Variants in SPECC1L observed in about 807,000 individuals in gnomAD.
SPECC1L encodes the protein cytospin-A.
A neutral mutation model predicts 116.8 loss-of-function variants in SPECC1L; 40 were observed. The ratio of observed to expected loss-of-function variants is 0.34; its 90% CI spans 0.27 to 0.45. The LOEUF is 0.45. Among genes scored for constraint, SPECC1L ranks in the 20% least tolerant of loss-of-function variants. The pLI is 1.00. For synonymous variants in SPECC1L, 504 were observed against 500.6 expected (o/e 1.01, Z -0.09); for missense variants, 1,110 against 1,373.6 (o/e 0.81, Z 3.03).
intron 2 of SPECC1L, among the ~76,000 whole-genome samples, chr22:24,301,226 G>C (rs531047942): frequency 7.9e-5 from 12 of 152,174 alleles, no homozygotes; most frequent in Admixed American, 5.2e-4. Context: ...ATCTAACAAA[G>C]GTCTAATATC....
At chr22:24,389,016 T>C (rs1186496178) in intron 14 of SPECC1L, among the ~76,000 whole-genome samples, 3 of 152,172 alleles carry the variant, frequency 2.0e-5, no homozygotes, top group Admixed American at 6.6e-5. Flanking sequence ...CTGGAATCAT[T>C]TGTGGTCTTT....
intron 14 of SPECC1L, among the ~76,000 whole-genome samples, chr22:24,380,199 G>A (rs1176630247): frequency 6.6e-6 from 1 of 152,184 alleles, no homozygotes; most frequent in Admixed American, 6.5e-5. Flanking sequence ...AAAACTGAAA[G>A]CCATATCTAA....
intron 4 of SPECC1L, among the ~76,000 whole-genome samples, chr22:24,317,604 C>T (rs1284357344): frequency 2.8e-5 from 4 of 144,990 alleles, no homozygotes; most frequent in Non-Finnish European, 6.0e-5. Flanking sequence ...GCTGGCCGGG[C>T]GGGGGGCTGA....
At chr22:24,289,363 T>TTC (rs1208603700) in intron 2 of SPECC1L, among the ~76,000 whole-genome samples, 1 of 152,246 alleles carries the variant, frequency 6.6e-6, no homozygotes, top group East Asian at 1.9e-4. Flanking sequence ...TCTGGAATGT[T>TTC]AAGTGTTGTC....
intron 6 of SPECC1L, among the ~76,000 whole-genome samples, chr22:24,327,666 A>T (rs1306975338): frequency 6.6e-6 from 1 of 151,972 alleles, no homozygotes; most frequent in Non-Finnish European, 1.5e-5. Context: ...AAAAACAAAA[A>T]CCTAGGTAAC....
intron 14 of SPECC1L, among the ~76,000 whole-genome samples, chr22:24,372,710 G>A (rs567169447): frequency 6.6e-6 from 1 of 151,142 alleles, no homozygotes; most frequent in South Asian, 2.1e-4. Context: ...TTTGAAAACT[G>A]GCACAAGACA....
chr22:24,363,631 C>G (rs1019013586), intron 12 of SPECC1L, among the ~76,000 whole-genome samples: 1 of 152,176 alleles, frequency 6.6e-6, no homozygotes, highest in South Asian at 2.1e-4. Flanking sequence ...AGTCTGTTTC[C>G]TCTATTTTGT....
rs146284602 is a variant in SPECC1L, at chr22:24,394,760, G to A, written c.3088-16828G>A. On this transcript the variant is annotated intron_variant, in intron 14 of 16. Coordinates refer to ENST00000314328, the MANE Select transcript of SPECC1L (RefSeq NM_015330.6). ...GTTTCCTGGTTTTAATTTTGCAGTT[G>A]CCTGATAACTAATGGTGTTAAGCAT... Among the ~76,000 whole-genome samples, 15 of 152,288 alleles carry A rather than the reference G, an allele frequency of 9.8e-5. No individual in the cohort carries two copies. The East Asian group carries it at 2.9e-3, about 29-fold the overall frequency.
rs55945050 is a variant in SPECC1L at position 24,322,309 on chromosome 22, T to G, written c.1329T>G (p.Val443=). Residue 443 remains valine (V), a synonymous_variant, in exon 5 of 17, where the codon GTT becomes GTG. Transcript: ENST00000314328. ...SENERLGEEK[V]ILMESLCQQS... is the part of the protein sequence containing the mutation. ...ACGAAAGGCTTGGAGAAGAGAAGGT[T>G]ATTCTGATGGAGTCTTTATGTCAGC... The G allele has an allele frequency of 9.8e-3, 15,894 of 1,614,198 alleles. 119 individuals are homozygous for G. The highest frequency in any genetic ancestry group is 0.013 in the South Asian group (1,210 of 91,086).
In SPECC1L at chr22:24,381,152, A is replaced by G. The variant is rs2042055192; in HGVS notation, c.3087+11832A>G. ...ACTTTTCTTTGGTTTTAGATTTTAT[A>G]TCTAAGAGCTTGTGTTGCATCACTG... On this transcript the variant is annotated intron_variant, in intron 14 of 16. Coordinates refer to ENST00000314328, the MANE Select transcript of SPECC1L (RefSeq NM_015330.6). Among the ~76,000 whole-genome samples, 2 of 152,204 alleles carry G rather than the reference A, an allele frequency of 1.3e-5. 1 individual carries two copies. Among genetic ancestry groups the G allele is most frequent in the South Asian group, 4.1e-4 (2 of 4,830 alleles).
chr22:24,409,712 AAT>A (rs1291543152), intron 14 of SPECC1L, among the ~76,000 whole-genome samples: 1 of 152,234 alleles, frequency 6.6e-6, no homozygotes, highest in Admixed American at 6.5e-5. Flanking sequence ...AATACTTTAA[AAT>A]ATGGAATAAG....
chr22:24,392,350 C>T (rs139102811), intron 14 of SPECC1L, among the ~76,000 whole-genome samples: 174 of 152,366 alleles, frequency 1.1e-3, no homozygotes, highest in African/African-American at 4.0e-3. Flanking sequence ...AGGCACAGTT[C>T]TTGACTTCCT....
chr22:24,279,456 T>C (rs2048900160), intron 2 of SPECC1L, among the ~76,000 whole-genome samples: 1 of 152,204 alleles, frequency 6.6e-6, no homozygotes, highest in African/African-American at 2.4e-5. Context: ...CTCAAATTCC[T>C]GGGCTCAAGT....
At chr22:24,409,557 G>T (rs2042653109) in intron 14 of SPECC1L, among the ~76,000 whole-genome samples, 1 of 152,208 alleles carries the variant, frequency 6.6e-6, no homozygotes, top group Admixed American at 6.5e-5. Flanking sequence ...GGAGGCTGAG[G>T]TGGGAGGATT....
intron 9 of SPECC1L, among the ~76,000 whole-genome samples, chr22:24,337,649 G>A (rs2041087704): frequency 2.0e-5 from 3 of 152,242 alleles, no homozygotes; most frequent in South Asian, 4.2e-4. Context: ...ATATATTCGT[G>A]TTTATATTGG....
chr22:24,286,490 G>A (rs1277606704), intron 2 of SPECC1L, among the ~76,000 whole-genome samples: 1 of 152,152 alleles, frequency 6.6e-6, no homozygotes, highest in Admixed American at 6.5e-5. Flanking sequence ...CAAAATTATT[G>A]TATTAATAAT....
At chr22:24,289,849 T>C (rs1032134323) in intron 2 of SPECC1L, among the ~76,000 whole-genome samples, 2 of 152,168 alleles carry the variant, frequency 1.3e-5, no homozygotes, top group African/African-American at 4.8e-5. Flanking sequence ...ATTTGTGCAG[T>C]GTGGGCTTTC....
intron 14 of SPECC1L, among the ~76,000 whole-genome samples, chr22:24,391,076 C>A (rs972108989): frequency 5.9e-5 from 9 of 151,692 alleles, no homozygotes; most frequent in African/African-American, 2.2e-4. Context: ...GGGGTTTCAC[C>A]CTGTTAGCAA....
intron 6 of SPECC1L, 39 bp downstream of exon 6, chr22:24,324,466 C>G (rs767041166): frequency 1.5e-5 from 24 of 1,552,012 alleles, no homozygotes; most frequent in Non-Finnish European, 2.1e-5. Flanking sequence ...TTGTCCTACT[C>G]TTTTAAACAT....
Sources: allele counts gnomAD v4.1 joint callset (sites outside exome capture counted in the v4.1 genomes callset), GRCh38; gene constraint gnomAD v4.1.1; transcripts MANE v1.5; gene names NCBI Gene and HGNC (gene_info 2026-07-23, HGNC 2026-07-21).